The following CBFA2T2 variants were observed in gnomAD, a reference collection of about 807,000 sequenced individuals.
The protein encoded by CBFA2T2 is protein CBFA2T2.
In CBFA2T2, 11 loss-of-function variants were observed where a neutral mutation model predicts 62.2. The observed-to-expected ratio is 0.18, with a 90% CI of 0.11 to 0.29. CBFA2T2 has a LOEUF of 0.29. Ranked by LOEUF, CBFA2T2 falls within the 10% of genes least tolerant of loss-of-function variation. CBFA2T2 has a pLI of 1.00. For synonymous variants in CBFA2T2, 295 were observed against 287.5 expected, an observed-to-expected ratio of 1.03 and a Z score of -0.27; for missense variants, 592 against 774.1, an observed-to-expected ratio of 0.76 and a Z score of 2.79.
At chr20:33,604,110 A>G (rs1288761255) in intron 1 of CBFA2T2, among the ~76,000 whole-genome samples, 3 of 152,228 alleles carry the variant, frequency 2.0e-5, no homozygotes, top group Admixed American at 2.0e-4. Context: ...ATCATTCCAT[A>G]CATTATCTCT....
intron 1 of CBFA2T2, among the ~76,000 whole-genome samples, chr20:33,536,896 C>A (rs1399310714): frequency 6.7e-6 from 1 of 148,990 alleles, no homozygotes; most frequent in Non-Finnish European, 1.5e-5. Flanking sequence ...GGATGGCGGC[C>A]GGGAAGAGGC....
At chr20:33,536,437 C>G (rs1241700990) in intron 1 of CBFA2T2, among the ~76,000 whole-genome samples, 49 of 149,028 alleles carry the variant, frequency 3.3e-4, no homozygotes, top group Admixed American at 1.2e-3. Context: ...CTGACCCCCC[C>G]ACCTCCCTCC....
chr20:33,498,888 C>T (rs944024032), intron 1 of CBFA2T2, among the ~76,000 whole-genome samples: 29 of 151,980 alleles, frequency 1.9e-4, no homozygotes, highest in Admixed American at 6.6e-4. Context: ...TCTAAAAATA[C>T]AAAAATTAGC....
At chr20:33,493,917 C>T (rs2011168215) in intron 1 of CBFA2T2, among the ~76,000 whole-genome samples, 2 of 151,786 alleles carry the variant, frequency 1.3e-5, no homozygotes, top group Admixed American at 6.6e-5. Flanking sequence ...AAGTTTTGCT[C>T]TTGTTGCCCC....
At chr20:33,566,312 G>A (rs938726191) in intron 1 of CBFA2T2, among the ~76,000 whole-genome samples, 3 of 151,994 alleles carry the variant, frequency 2.0e-5, no homozygotes, top group Non-Finnish European at 4.4e-5. Context: ...GAGATAAAGT[G>A]TACAAAAAGT....
chr20:33,613,664 C>T (rs545349149), intron 3 of CBFA2T2, among the ~76,000 whole-genome samples: 68 of 152,262 alleles, frequency 4.5e-4, no homozygotes, highest in African/African-American at 1.6e-3. Context: ...TTAGCATGAA[C>T]CATACTGTTC....
chr20:33,642,115 TTTGTGTGTG>T (rs1568875260), intron 10 of CBFA2T2, among the ~76,000 whole-genome samples: 2 of 36,586 alleles, frequency 5.5e-5, no homozygotes, highest in African/African-American at 1.4e-4. Flanking sequence ...CTTTTTTTTT[TTTGTGTGTG>T]TGTGTGTGTG....
intron 3 of CBFA2T2, among the ~76,000 whole-genome samples, chr20:33,614,045 G>A (rs756130978): frequency 4.6e-5 from 7 of 151,574 alleles, no homozygotes; most frequent in Admixed American, 2.0e-4. Flanking sequence ...TTAGCCGGGC[G>A]TGGAGCTTGC....
intron 1 of CBFA2T2, among the ~76,000 whole-genome samples, chr20:33,539,839 A>G (rs949600629): frequency 2.6e-5 from 4 of 151,670 alleles, no homozygotes; most frequent in African/African-American, 9.7e-5. Context: ...GGTGCGTACC[A>G]CCATGCCTGG....
intron 1 of CBFA2T2, among the ~76,000 whole-genome samples, chr20:33,501,955 C>T (rs4911127): frequency 0.99 from 150,138 of 152,154 alleles, 74,104 homozygotes; most frequent in East Asian, 1. Context: ...ACAAAATTTA[C>T]TTAATTTTTT....
chr20:33,595,292 A>G (rs1367483760), intron 1 of CBFA2T2, among the ~76,000 whole-genome samples: 1 of 152,048 alleles, frequency 6.6e-6, no homozygotes, highest in Non-Finnish European at 1.5e-5. Flanking sequence ...GCTCACTGCA[A>G]CCTCTGCCTC....
chr20:33,567,260 G>T (rs539930816), intron 1 of CBFA2T2, among the ~76,000 whole-genome samples: 3 of 152,192 alleles, frequency 2.0e-5, no homozygotes, highest in Admixed American at 6.5e-5. Context: ...GCAACAGCTC[G>T]TGGAAATCCT....
At chr20:33,607,709 T>C (rs775945240) in intron 2 of CBFA2T2, among the ~76,000 whole-genome samples, 7 of 152,186 alleles carry the variant, frequency 4.6e-5, no homozygotes, top group African/African-American at 9.7e-5. Context: ...CCCCTGCCTT[T>C]AAGGATAATA....
chr20:33,547,687 A>ATTG (rs375808215), intron 1 of CBFA2T2, among the ~76,000 whole-genome samples: 3 of 139,072 alleles, frequency 2.2e-5, no homozygotes, highest in South Asian at 4.9e-4. Flanking sequence ...TCTCAAAAAA[A>ATTG]TGTGTGTGTG....
At chr20:33,514,058 G>A (rs1431573976) in intron 1 of CBFA2T2, among the ~76,000 whole-genome samples, 1 of 150,402 alleles carries the variant, frequency 6.6e-6, no homozygotes, top group African/African-American at 2.4e-5. Context: ...CGGCCACCAT[G>A]CCTGGCTACT....
chr20:33,516,792 C>T (rs2011605885), intron 1 of CBFA2T2, among the ~76,000 whole-genome samples: 1 of 152,182 alleles, frequency 6.6e-6, no homozygotes, highest in Non-Finnish European at 1.5e-5. Context: ...TGGAATGATA[C>T]TGTACATAAT....
chr20:33,543,073 G>A (rs925819705), intron 1 of CBFA2T2, among the ~76,000 whole-genome samples: 1 of 151,946 alleles, frequency 6.6e-6, no homozygotes, highest in Admixed American at 6.6e-5. Context: ...GAGTGCAGTG[G>A]CATGATATTG....
chr20:33,494,761 G>C (rs1461456725), intron 1 of CBFA2T2, among the ~76,000 whole-genome samples: 1 of 151,484 alleles, frequency 6.6e-6, no homozygotes, highest in Non-Finnish European at 1.5e-5. Flanking sequence ...ACCACACCCA[G>C]CTAATTTTGT....
At chr20:33,504,880 A>G (rs1348182257) in intron 1 of CBFA2T2, among the ~76,000 whole-genome samples, 1 of 152,172 alleles carries the variant, frequency 6.6e-6, no homozygotes, top group Non-Finnish European at 1.5e-5. Context: ...AATTTTGGTC[A>G]TCTCATTTCT....
Sources: allele counts gnomAD v4.1 joint callset (sites outside exome capture counted in the v4.1 genomes callset), GRCh38; gene constraint gnomAD v4.1.1; transcripts MANE v1.5; gene names NCBI Gene and HGNC (gene_info 2026-07-23, HGNC 2026-07-21).